The following DOCK7 variants were observed in gnomAD, a reference collection of about 807,000 sequenced individuals.
DOCK7 encodes dedicator of cytokinesis protein 7.
A neutral mutation model predicts 271.0 loss-of-function variants in DOCK7; 138 were observed. That is an observed-to-expected ratio of 0.51 (90% confidence interval 0.44 to 0.59). DOCK7 has a LOEUF of 0.59. DOCK7 is among the 20% of genes least tolerant of loss of function. The pLI, the probability that DOCK7 is intolerant of heterozygous loss-of-function variation, is 0.00. For missense variants in DOCK7, 2,066 were observed against 2,592.4 expected, an observed-to-expected ratio of 0.80 and a Z score of 4.41; for synonymous variants, 823 against 876.1, an observed-to-expected ratio of 0.94 and a Z score of 1.07.
In DOCK7 at chr1:62,663,069, G is replaced by A. The variant is rs753685496; in HGVS notation, c.100C>T (p.Leu34Phe). 6.2e-7 allele frequency: 1 copy of A among 1,613,582 alleles called. No individual in the cohort carries two copies. The highest frequency in any genetic ancestry group is 1.1e-5 in the South Asian group (1 of 91,052). Residue 34 changes from leucine to phenylalanine, a missense_variant, in exon 2 of 50, where the codon CTC becomes TTC. Coordinates refer to ENST00000635253, the MANE Select transcript of DOCK7 (RefSeq NM_001367561.1). ...TTGCCAACAATATTAAGGTTTTTGA[G>A]CAGTTGGGGAGAACCACTATATTGT... ...SGQYSGSPQL[L>F]KNLNIVGNIS... is the part of the protein sequence containing the mutation.
At chr1:62,572,621 C>G (rs1291691839) in intron 18 of DOCK7, among the ~76,000 whole-genome samples, 33 of 131,932 alleles carry the variant, frequency 2.5e-4, no homozygotes, top group Admixed American at 2.4e-3. Context: ...AGATGGCCAC[C>G]TTCTTGCAAC....
intron 1 of DOCK7, among the ~76,000 whole-genome samples, chr1:62,686,165 T>TGACA (rs1557910598): frequency 6.0e-3 from 9 of 1,490 alleles, no homozygotes; most frequent in African/African-American, 5.7e-3. Context: ...AACTTTTTTT[T>TGACA]TTTTTTTTTT....
At chr1:62,616,563 G>T (rs1469082276) in intron 14 of DOCK7, among the ~76,000 whole-genome samples, 1 of 151,668 alleles carries the variant, frequency 6.6e-6, no homozygotes, top group Non-Finnish European at 1.5e-5. Flanking sequence ...GAAGAACACA[G>T]AAAATGAAGT....
rs1656958217 is a variant in DOCK7 at position 62,648,564 on chromosome 1, A to AT, written c.390-21_390-20insA. On this transcript the variant is annotated intron_variant, in intron 4 of 49. Coordinates refer to ENST00000635253, the MANE Select transcript of DOCK7 (RefSeq NM_001367561.1). ...TGATATCTATTAAAGAAAAAAAGTT[A>AT]AATAAATATCAACTATCAAACTTAG... The AT allele has an allele frequency of 9.1e-6, 11 of 1,202,492 alleles. No individual in the cohort carries two copies. Among genetic ancestry groups the AT allele is most frequent in the Non-Finnish European group, 1.2e-5 (11 of 908,350 alleles). The allele number at this position is 1,202,492 out of a possible 1,614,324, so 74.5% of individuals were successfully genotyped here.
At chr1:62,520,579 C>A (rs974364813) in intron 31 of DOCK7, among the ~76,000 whole-genome samples, 1 of 151,996 alleles carries the variant, frequency 6.6e-6, no homozygotes, top group Admixed American at 6.5e-5. Context: ...GTTAGAGTGG[C>A]GATCATTAAA....
chr1:62,622,821 T>G (rs983559086), intron 12 of DOCK7, among the ~76,000 whole-genome samples: 2 of 151,880 alleles, frequency 1.3e-5, no homozygotes, highest in Non-Finnish European at 2.9e-5. Context: ...TCCCAGCTAC[T>G]CGGGAGGCTG....
At chr1:62,658,349 G>C (rs1001882068) in intron 2 of DOCK7, among the ~76,000 whole-genome samples, 1 of 151,402 alleles carries the variant, frequency 6.6e-6, no homozygotes, top group African/African-American at 2.4e-5. Context: ...AGCTACTCGG[G>C]AGGCTGCGGC....
chr1:62,475,538 G>T, intron 46 of DOCK7, 169 bp downstream of exon 46: 1 of 1,068,232 alleles, frequency 9.4e-7, no homozygotes, highest in Non-Finnish European at 1.3e-6. Flanking sequence ...AGCTGGGGGT[G>T]AATTAGGGTC....
intron 2 of DOCK7, among the ~76,000 whole-genome samples, chr1:62,655,394 G>C (rs1207769667): frequency 6.6e-6 from 1 of 151,034 alleles, no homozygotes; most frequent in Non-Finnish European, 1.5e-5. Context: ...TTTAACCTAT[G>C]CTTCTTTGGA....
At chr1:62,650,694 A>C (rs1657230089) in intron 4 of DOCK7, among the ~76,000 whole-genome samples, 1 of 152,230 alleles carries the variant, frequency 6.6e-6, no homozygotes, top group Non-Finnish European at 1.5e-5. Flanking sequence ...ACATGAAAAA[A>C]TGCTCATCAT....
intron 31 of DOCK7, among the ~76,000 whole-genome samples, chr1:62,527,833 T>TAA (rs1306539472): frequency 7.0e-6 from 1 of 141,950 alleles, no homozygotes; most frequent in Non-Finnish European, 1.5e-5. Context: ...CATATGTAAC[T>TAA]AACCTGCATG....
chr1:62,469,986 T>C (rs577895516), intron 48 of DOCK7, among the ~76,000 whole-genome samples: 2 of 151,628 alleles, frequency 1.3e-5, no homozygotes, highest in Non-Finnish European at 2.9e-5. Context: ...GAATGTAAAC[T>C]AGTACAACCA....
chr1:62,487,220 T>G (rs1646320677), intron 43 of DOCK7, 178 bp downstream of exon 43: 1 of 564,990 alleles, frequency 1.8e-6, no homozygotes, highest in Admixed American at 3.2e-5. Context: ...GACCTCATAA[T>G]AAGATATTTC....
chr1:62,527,288 A>T (rs1272474063), intron 31 of DOCK7, among the ~76,000 whole-genome samples: 30 of 152,282 alleles, frequency 2.0e-4, no homozygotes, highest in Non-Finnish European at 2.1e-4. Context: ...TTCACAGATT[A>T]AAAAAACCCT....
intron 14 of DOCK7, among the ~76,000 whole-genome samples, chr1:62,588,530 CT>C (rs532627039): frequency 2.2e-4 from 34 of 152,234 alleles, no homozygotes; most frequent in Admixed American, 1.4e-3. Flanking sequence ...GATTGCACCC[CT>C]GTAGTGTCAT....
At chr1:62,607,129 C>A (rs1262665612) in intron 14 of DOCK7, among the ~76,000 whole-genome samples, 1 of 152,110 alleles carries the variant, frequency 6.6e-6, no homozygotes, top group African/African-American at 2.4e-5. Context: ...TCGCTTGAAC[C>A]CAGGAGGCGG....
At chr1:62,687,829 G>C (rs555146724) in intron 1 of DOCK7, among the ~76,000 whole-genome samples, 1 of 152,142 alleles carries the variant, frequency 6.6e-6, no homozygotes, top group Non-Finnish European at 1.5e-5. Flanking sequence ...GCGGAGAGAC[G>C]GGAGGGGGCG....
chr1:62,676,221 T>C (rs879610518), intron 1 of DOCK7, among the ~76,000 whole-genome samples: 6 of 152,208 alleles, frequency 3.9e-5, no homozygotes, highest in Admixed American at 3.9e-4. Flanking sequence ...AGTACTGATA[T>C]ATGCACAGAT....
chr1:62,604,916 G>A, intron 14 of DOCK7: 1 of 1,291,906 alleles, frequency 7.7e-7, no homozygotes, highest in Non-Finnish European at 1.1e-6. Flanking sequence ...GAAAGCTTGA[G>A]AAATAGATTT....
Sources: allele counts gnomAD v4.1 joint callset (sites outside exome capture counted in the v4.1 genomes callset), GRCh38; gene constraint gnomAD v4.1.1; transcripts MANE v1.5; gene names NCBI Gene and HGNC (gene_info 2026-07-23, HGNC 2026-07-21).